The following SPATA9 variants were observed in gnomAD, a reference collection of about 807,000 sequenced individuals.
SPATA9 encodes the protein spermatogenesis associated 9.
Under a neutral mutation model 25.5 loss-of-function variants are expected in SPATA9, and 27 were observed. The ratio of observed to expected loss-of-function variants is 1.06; its 90% CI spans 0.78 to 1.46. SPATA9 has a LOEUF of 1.46. SPATA9 is among the 40% of genes most tolerant of loss of function. The pLI is 0.00. For synonymous variants in SPATA9, 102 were observed against 105.7 expected, an observed-to-expected ratio of 0.97 and a Z score of 0.21; for missense variants, 282 against 297.5, an observed-to-expected ratio of 0.95 and a Z score of 0.38.
chr5:95,671,492 C>A (rs563929416), intron 3 of SPATA9, among the ~76,000 whole-genome samples: 1 of 152,278 alleles, frequency 6.6e-6, no homozygotes, highest in East Asian at 1.9e-4. Context: ...CTCACTGCAA[C>A]CTCGCCTCCA....
intron 1 of SPATA9, among the ~76,000 whole-genome samples, chr5:95,696,072 G>A (rs1309298006): frequency 6.6e-6 from 1 of 152,152 alleles, no homozygotes; most frequent in Admixed American, 6.6e-5. Context: ...CATATAGTGA[G>A]CTTAAAAACA....
the SPATA9 span, chr5:95,730,816 G>T: frequency 8.9e-6 from 4 of 447,186 alleles, no homozygotes; most frequent in Non-Finnish European, 1.8e-5. Context: ...CAGCATGAAT[G>T]TTGCCTTTAT....
chr5:95,676,199 T>G (rs547659857), intron 2 of SPATA9, among the ~76,000 whole-genome samples: 14 of 152,272 alleles, frequency 9.2e-5, no homozygotes, highest in Admixed American at 9.2e-4. Flanking sequence ...AAGATACAAA[T>G]GTTTCATTTT....
At chr5:95,663,132 CAGT>C (rs1323735282) in intron 4 of SPATA9, among the ~76,000 whole-genome samples, 4 of 152,136 alleles carry the variant, frequency 2.6e-5, no homozygotes, top group African/African-American at 9.7e-5. Flanking sequence ...TGTCCATCAG[CAGT>C]AGAATGGATA....
intron 2 of SPATA9, among the ~76,000 whole-genome samples, chr5:95,677,083 C>CT (rs1242310274): frequency 6.6e-6 from 1 of 152,236 alleles, no homozygotes; most frequent in African/African-American, 2.4e-5. Context: ...CTAAGACCTT[C>CT]TTGGTCACTC....
At chr5:95,704,078 C>A in the SPATA9 span, among the ~76,000 whole-genome samples, 1 of 152,108 alleles carries the variant, frequency 6.6e-6, no homozygotes, top group Non-Finnish European at 1.5e-5. Flanking sequence ...CACACACACA[C>A]ACAAACACAC....
intron 4 of SPATA9, 120 bp downstream of exon 4, chr5:95,663,833 G>A (rs1016360783): frequency 1.9e-6 from 1 of 514,650 alleles, no homozygotes; most frequent in Non-Finnish European, 3.1e-6. Context: ...AAATTGTTTT[G>A]TGTAACGAGA....
chr5:95,731,729 G>T, the SPATA9 span: 3 of 1,612,634 alleles, frequency 1.9e-6, no homozygotes, highest in Non-Finnish European at 2.5e-6. Context: ...TCCAGCGCGT[G>T]CCGTGCGCCC....
the SPATA9 span, among the ~76,000 whole-genome samples, chr5:95,726,802 T>C: frequency 1.3e-5 from 2 of 152,200 alleles, no homozygotes; most frequent in Admixed American, 6.5e-5. Context: ...TGGCAATATA[T>C]TGAAAGTGAA....
At chr5:95,713,827 A>G in the SPATA9 span, 1 of 151,962 alleles carries the variant, frequency 6.6e-6, no homozygotes, top group Non-Finnish European at 1.5e-5. Flanking sequence ...TCCTCTTCTC[A>G]ATCTTATCTT....
chr5:95,652,964 C>T, downstream of SPATA9: 1 of 1,030,976 alleles, frequency 9.7e-7, no homozygotes. Context: ...TCTTCAGTGG[C>T]TTTCCTTTGC....
chr5:95,660,138 G>C (rs1043361489), intron 4 of SPATA9, among the ~76,000 whole-genome samples: 1 of 152,138 alleles, frequency 6.6e-6, no homozygotes, highest in African/African-American at 2.4e-5. Flanking sequence ...TGGAGAGTGG[G>C]AAATCCGAGA....
At chr5:95,710,217 A>G in the SPATA9 span, among the ~76,000 whole-genome samples, 5 of 152,240 alleles carry the variant, frequency 3.3e-5, no homozygotes, top group South Asian at 2.1e-4. Context: ...CACCTTCTCT[A>G]GGGGCATATC....
chr5:95,680,209 T>C (rs1224334321), intron 2 of SPATA9, among the ~76,000 whole-genome samples: 1 of 152,194 alleles, frequency 6.6e-6, no homozygotes, highest in Non-Finnish European at 1.5e-5. Flanking sequence ...AGTTAACGTA[T>C]TTTTAGAAAT....
At chr5:95,698,513 G>A (rs914862975) in intron 1 of SPATA9, 5 of 152,142 alleles carry the variant, frequency 3.3e-5, no homozygotes, top group African/African-American at 9.7e-5. Flanking sequence ...AAATAACCTC[G>A]GGTTATTTGC....
the SPATA9 span, among the ~76,000 whole-genome samples, chr5:95,707,158 C>A: frequency 3.3e-5 from 5 of 151,934 alleles, no homozygotes; most frequent in African/African-American, 9.7e-5. Flanking sequence ...TATTTTCAGA[C>A]AGAAATCAGA....
intron 3 of SPATA9, among the ~76,000 whole-genome samples, chr5:95,671,158 A>G (rs1250598743): frequency 2.0e-5 from 3 of 152,086 alleles, no homozygotes; most frequent in Non-Finnish European, 2.9e-5. Context: ...CCTACTTCTC[A>G]TCTAGCTAAT....
chr5:95,690,330 A>G (rs1461758063), intron 1 of SPATA9, among the ~76,000 whole-genome samples: 1 of 152,200 alleles, frequency 6.6e-6, no homozygotes, highest in African/African-American at 2.4e-5. Context: ...CCCAGTAGAA[A>G]AGAGCACCCT....
At chr5:95,705,322 T>C in the SPATA9 span, among the ~76,000 whole-genome samples, 1 of 152,120 alleles carries the variant, frequency 6.6e-6, no homozygotes, top group Non-Finnish European at 1.5e-5. Flanking sequence ...CTTAATATGG[T>C]TGCATTGGGG....
Sources: allele counts gnomAD v4.1 joint callset (sites outside exome capture counted in the v4.1 genomes callset), GRCh38; gene constraint gnomAD v4.1.1; transcripts MANE v1.5; gene names NCBI Gene and HGNC (gene_info 2026-07-23, HGNC 2026-07-21).